Variants in NPTX1 observed in about 807,000 individuals in gnomAD.
NPTX1 encodes neuronal pentraxin 1.
A neutral mutation model predicts 38.7 loss-of-function variants in NPTX1; 12 were observed. The observed-to-expected ratio is 0.31, with a 90% CI of 0.20 to 0.50. The LOEUF is 0.50. Among genes scored for constraint, NPTX1 ranks in the 20% least tolerant of loss-of-function variants. The pLI is 0.98. For missense variants in NPTX1, 454 were observed against 592.2 expected (o/e 0.77, Z 2.42); for synonymous variants, 272 against 264.9 (o/e 1.03, Z -0.26).
rs772686670 is a variant in NPTX1, at chr17:80,473,160, G to A, written c.897+40C>T. Reference sequence around the variant, plus strand: ...ATGCAACATGAGCTGGGGCCCTGGGGCCTCGCCCTGCCGCCCTGTGAGCCC... The same window carrying A: ...ATGCAACATGAGCTGGGGCCCTGGGACCTCGCCCTGCCGCCCTGTGAGCCC... On this transcript the variant is annotated intron_variant, in intron 3 of 4. Transcript: ENST00000306773. 9.4e-6 allele frequency: 15 copies of A among 1,598,446 alleles called. No individual in the cohort carries two copies. The Admixed American group carries it at 2.5e-4, about 27-fold the overall frequency.
chr17:80,471,672 C>T (rs1436564020), intron 4 of NPTX1, 60 bp downstream of exon 4: 3 of 1,560,124 alleles, frequency 1.9e-6, no homozygotes, highest in Non-Finnish European at 2.6e-6. Context: ...GCTCCTCTTC[C>T]CCTTCCCAGC....
Position 80,474,654 on chromosome 17 carries a change from C to T in NPTX1, c.652+857G>A, listed in dbSNP as rs149666968. The T allele has an allele frequency of 4.3e-3, 658 of 152,572 alleles. 8 individuals carry two copies. The highest frequency in any genetic ancestry group is 0.015 in the African/African-American group (623 of 41,572). The allele number at this position is 152,572 out of a possible 1,614,324, so 9.5% of individuals were successfully genotyped here. On this transcript the variant is annotated intron_variant, in intron 2 of 4. Coordinates refer to ENST00000306773, the MANE Select transcript of NPTX1 (RefSeq NM_002522.4). ...CGGGTGTTTTTCATTCCCCAATCTC[C>T]GCTCCTTCCCTCTCCCTCCCTCCTG... is the stretch of plus-strand genomic sequence containing the variant.
At position 80,475,853 on chromosome 17, in the gene NPTX1, G is replaced by C. The variant is rs1328502326; in HGVS notation, c.445-135C>G. 7 of 838,916 alleles carry C rather than the reference G, an allele frequency of 8.3e-6. No homozygotes were observed. The highest frequency in any genetic ancestry group is 1.0e-5 in the Non-Finnish European group (6 of 595,184). 52.0% of individuals were successfully genotyped at this position (838,916 alleles called of 1,614,324 possible). ...GGGAGCTGGGGCGAGTGGCCGCCGC[G>C]GGGCCTCGCAGGCGCGGGGAGGCAC... is the stretch of plus-strand genomic sequence containing the variant. On this transcript the variant is annotated intron_variant, in intron 1 of 4. Coordinates refer to ENST00000306773, the MANE Select transcript of NPTX1 (RefSeq NM_002522.4). This position sits in a 1 kb window ranked among gnomAD's most constrained non-coding sequence, Gnocchi z 6.5.
chr17:80,475,626 G>A lies in NPTX1; in HGVS notation c.537C>T (p.Ser179=). Residue 179 remains serine (S), a synonymous_variant, in exon 2 of 5, where the codon TCC becomes TCT. Transcript: ENST00000306773. This position sits in a 1 kb window ranked among gnomAD's most constrained non-coding sequence, Gnocchi z 6.5. ...KIDELERQVL[S]RVNTLEEGKG... is the part of the protein sequence containing the mutation. ...TGCCCTCCTCCAGGGTGTTCACCCGGGACAGCACCTGCCTCTCCAGCTCAT... is the reference window on the plus strand; with the variant it reads ...TGCCCTCCTCCAGGGTGTTCACCCGAGACAGCACCTGCCTCTCCAGCTCAT... The A allele has an allele frequency of 6.2e-7, 1 of 1,612,754 alleles. No homozygotes were observed. Among genetic ancestry groups the A allele is most frequent in the Non-Finnish European group, 8.5e-7 (1 of 1,179,718 alleles).
intron 2 of NPTX1, chr17:80,474,798 G>GCCCC (rs781616753): frequency 5.2e-5 from 5 of 96,288 alleles, no homozygotes; most frequent in Non-Finnish European, 7.8e-5. Context: ...TCCGCACCGG[G>GCCCC]CACCCCCCCC....
In NPTX1 at chr17:80,471,636, T is replaced by C. The variant is rs1275902866; in HGVS notation, c.1077+96A>G. 7 of 1,499,834 alleles carry C rather than the reference T, an allele frequency of 4.7e-6. No homozygotes were observed. In the East Asian group the frequency reaches 1.2e-4, roughly 25 times the overall value. The allele number at this position is 1,499,834 out of a possible 1,614,324, so 92.9% of individuals were successfully genotyped here. A position where few individuals can be genotyped will look rare whatever the true frequency, so the allele number is the denominator to read the frequency against. ...CCGGGCTGCTTCTCAGGGGAACCAC[T>C]TCTCCGGCTACCTCCCTCCCTCCTT... On this transcript the variant is annotated intron_variant, in intron 4 of 4. Transcript: ENST00000306773.
At chr17:80,471,471 G>A (rs1195046488) in intron 4 of NPTX1, among the ~76,000 whole-genome samples, 1 of 152,232 alleles carries the variant, frequency 6.6e-6, no homozygotes, top group South Asian at 2.1e-4. Flanking sequence ...ACTAGATTAT[G>A]CATCACTAAA....
intron 2 of NPTX1, 119 bp from the exon 3 acceptor site, chr17:80,473,563 C>A: frequency 6.8e-6 from 7 of 1,033,450 alleles, no homozygotes; most frequent in Non-Finnish European, 1.0e-5. Flanking sequence ...GGTCTCCATT[C>A]TGGAGACGCA....
In NPTX1 at chr17:80,471,730, ACC is replaced by A. The variant is rs1279992641; in HGVS notation, c.1077_1077+1del. ...CCTTCCCCACCACATCCAGCACAGTACCTGCTCCTGGCCCAGCACCAGCACGC... is the reference window on the plus strand; with the variant it reads ...CCTTCCCCACCACATCCAGCACAGTATGCTCCTGGCCCAGCACCAGCACGC... On this transcript the variant is annotated splice_donor_variant and coding_sequence_variant, in exon 4 of 5. Transcript: ENST00000306773. LOFTEE classifies it high-confidence loss of function. 6.2e-7 allele frequency: 1 copy of A among 1,611,248 alleles called. No homozygotes were observed.
intron 4 of NPTX1, 129 bp downstream of exon 4, chr17:80,471,603 C>G (rs2083842420): frequency 7.0e-7 from 1 of 1,431,578 alleles, no homozygotes. Context: ...CCTTGCCCAG[C>G]CTGCTCCCCG....
In NPTX1 at chr17:80,476,307, G is replaced by C. The variant is rs1274301257; in HGVS notation, c.140C>G (p.Ala47Gly). ...VDADMCAASV[A>G]AGGAEELRSS... ...CCGGAGCTCCTCGGCGCCGCCGGCG[G>C]CCACGGACGCGGCGCACATGTCGGC... Residue 47 changes from alanine to glycine, a missense_variant, in exon 1 of 5, where the codon GCC becomes GGC. Ala to Gly is a moderately conservative substitution (Grantham distance 60). Coordinates refer to ENST00000306773, the MANE Select transcript of NPTX1 (RefSeq NM_002522.4). This position sits in a 1 kb window ranked among gnomAD's most constrained non-coding sequence, Gnocchi z 6.3. 2 of 1,553,440 alleles carry C rather than the reference G, an allele frequency of 1.3e-6. No homozygotes were observed. The highest frequency in any genetic ancestry group is 1.7e-6 in the Non-Finnish European group (2 of 1,156,706).
In NPTX1 at chr17:80,475,491, G is replaced by A; in HGVS notation, c.652+20C>T. The stretch of plus-strand genomic sequence containing the variant: ...CAAGCAGGTGCAGGCAGGCAGCACG[G>A]CTCCCCCTGGCCCCAGTACCTTTCT... On this transcript the variant is annotated intron_variant, in intron 2 of 4. Transcript: ENST00000306773. The surrounding 1 kb of genome is among the most constrained non-coding windows in gnomAD (Gnocchi z 6.5). 6.3e-7 allele frequency: 1 copy of A among 1,582,918 alleles called. No individual in the cohort carries two copies.
chr17:80,470,477 G>A lies in NPTX1; in HGVS notation c.*336C>T, dbSNP rs932775434. The A allele has an allele frequency of 2.7e-5, 5 of 187,156 alleles. No individual in the cohort carries two copies. The highest frequency in any genetic ancestry group is 4.7e-5 in the African/African-American group (2 of 42,744). 11.6% of individuals were successfully genotyped at this position (187,156 alleles called of 1,614,324 possible). ...GAAAAGGCCTCCCCCAGCCACGCAC[G>A]CACACACGTAGACACACACATGTAG... is the stretch of plus-strand genomic sequence containing the variant. On this transcript the variant is annotated 3_prime_UTR_variant, in exon 5 of 5. Coordinates refer to ENST00000306773, the MANE Select transcript of NPTX1 (RefSeq NM_002522.4).
rs180856318 is a variant in NPTX1, at chr17:80,467,221, A to T, written c.*3592T>A. On this transcript the variant is annotated 3_prime_UTR_variant, in exon 5 of 5. Coordinates refer to ENST00000306773, the MANE Select transcript of NPTX1 (RefSeq NM_002522.4). ...CTTCAATGACTTGTTCCCTTTCAAC[A>T]AATTGCACTTCAGTCCACTGTGTAC... is the stretch of plus-strand genomic sequence containing the variant. 1 of 147,512 alleles carries T rather than the reference A, an allele frequency of 6.8e-6. No individual in the cohort carries two copies. Among genetic ancestry groups the T allele is most frequent in the East Asian group, 2.0e-4 (1 of 5,068 alleles). The allele number at this position is 147,512 out of a possible 1,614,324, so 9.1% of individuals were successfully genotyped here. A position where few individuals can be genotyped will look rare whatever the true frequency, so the allele number is the denominator to read the frequency against.
chr17:80,467,247 A>G lies in NPTX1; in HGVS notation c.*3566T>C, dbSNP rs10931. ...AATTGCACTTCAGTCCACTGTGTAC[A>G]GAAGTAATACATTTCCCATCGTTAG... On this transcript the variant is annotated 3_prime_UTR_variant, in exon 5 of 5. Transcript: ENST00000306773. The G allele has an allele frequency of 0.2, 30,263 of 149,646 alleles. 3,324 individuals carry two copies. Among genetic ancestry groups the G allele is most frequent in the Middle Eastern group, 0.27 (76 of 286 alleles). The allele number at this position is 149,646 out of a possible 1,614,324, so 9.3% of individuals were successfully genotyped here. A position where few individuals can be genotyped will look rare whatever the true frequency, so the allele number is the denominator to read the frequency against.
chr17:80,471,910 A>G lies in NPTX1; in HGVS notation c.899T>C (p.Val300Ala), dbSNP rs768119432. The change falls in exon 4 of 5, where the codon GTG becomes GCG. Residue 300 changes from valine to alanine, a missense_variant and splice_region_variant. This residue lies in a region of NPTX1 where 110 missense variants were observed against 197.5 expected (regional missense o/e 0.56). Transcript: ENST00000306773. ...NPMEILINDK[V>A]AKLPFVINDG... ...ATTGATGACAAAAGGCAACTTGGCC[A>G]CCTGGGAAGGAGAATGACAGACGCC... 1.9e-6 allele frequency: 3 copies of G among 1,610,280 alleles called. No homozygotes were observed. The highest frequency in any genetic ancestry group is 2.5e-6 in the Non-Finnish European group (3 of 1,178,182).
At chr17:80,471,066 G>A (rs1856852790) in intron 4 of NPTX1, 32 bp from the exon 5 acceptor site, 2 of 1,529,358 alleles carry the variant, frequency 1.3e-6, no homozygotes, top group African/African-American at 2.7e-5. Context: ...GAGAGTGGAG[G>A]GGTCGCCAGG....
Position 80,467,505 on chromosome 17 carries a change from AC to A in NPTX1, c.*3307del, listed in dbSNP as rs2083812971. 6.6e-6 allele frequency: 1 copy of A among 152,584 alleles called. No individual in the cohort carries two copies. The highest frequency in any genetic ancestry group is 2.4e-5 in the African/African-American group (1 of 41,432). The allele number at this position is 152,584 out of a possible 1,614,324, so 9.5% of individuals were successfully genotyped here. A position where few individuals can be genotyped will look rare whatever the true frequency, so the allele number is the denominator to read the frequency against. On this transcript the variant is annotated 3_prime_UTR_variant, in exon 5 of 5. Transcript: ENST00000306773. ...GGCCAGTTTTACCTCCTGGTCCCCA[AC>A]ATGCTTTTGAGAACAGGTGGCCCCT...
At position 80,476,291 on chromosome 17, in the gene NPTX1, C is replaced by T. The variant is rs761247864; in HGVS notation, c.156G>A (p.Glu52=). The change falls in exon 1 of 5, where the codon GAG becomes GAA. Residue 52 remains glutamate, a synonymous_variant. Transcript: ENST00000306773. The surrounding 1 kb of genome is among the most constrained non-coding windows in gnomAD (Gnocchi z 6.3). ...CAASVAAGGA[E]ELRSSVLQLR... ...GCTGCAGCACGCTGCTCCGGAGCTCCTCGGCGCCGCCGGCGGCCACGGACG... is the reference window on the plus strand; with the variant it reads ...GCTGCAGCACGCTGCTCCGGAGCTCTTCGGCGCCGCCGGCGGCCACGGACG... The T allele has an allele frequency of 2.1e-5, 33 of 1,561,458 alleles. No homozygotes were observed. The highest frequency in any genetic ancestry group is 5.5e-5 in the Admixed American group (3 of 54,578).
Sources: gnomAD v4.1 joint callset for allele counts (sites outside exome capture counted in the v4.1 genomes callset) on GRCh38, gnomAD v4.1.1 for gene constraint, gnomAD v4.1.1 regional missense constraint, Gnocchi (gnomAD v3.1) non-coding constraint, MANE v1.5 for transcripts, NCBI Gene and HGNC (gene_info 2026-07-23, HGNC 2026-07-21) for gene names.